The following FMN1 variants were observed in gnomAD, a reference collection of about 807,000 sequenced individuals.
The protein encoded by FMN1 is formin 1.
FMN1 carries 110 observed loss-of-function variants against 132.4 expected under a neutral mutation model. That is an observed-to-expected ratio of 0.83 (90% confidence interval 0.71 to 0.97). The LOEUF (loss-of-function observed/expected upper bound fraction) is 0.97, where lower values mean the gene tolerates loss of function less well. FMN1 is among the 50% of genes least tolerant of loss of function. The pLI is 0.00. For synonymous variants in FMN1, 722 were observed against 651.7 expected (o/e 1.11, Z -1.64); for missense variants, 1,792 against 1,705.3 (o/e 1.05, Z -0.90).
In FMN1 at chr15:33,151,364, A is replaced by C. The variant is rs1048444330; in HGVS notation, c.1867+1684T>G. Reference sequence around the variant, plus strand: ...GACTGGTTCCTGAAAGTGCTGCTGAAGATCCCAATGGAAGGCTGAGGCCAA... The same window carrying C: ...GACTGGTTCCTGAAAGTGCTGCTGACGATCCCAATGGAAGGCTGAGGCCAA... On this transcript the variant is annotated intron_variant, in intron 4 of 20. Transcript: ENST00000616417. The C allele has an allele frequency of 2.5e-5, 38 of 1,536,606 alleles. No homozygotes were observed. In the Admixed American group the frequency reaches 6.3e-4, roughly 25 times the overall value.
intron 17 of FMN1, among the ~76,000 whole-genome samples, chr15:32,851,085 A>C (rs1217581832): frequency 6.9e-6 from 1 of 144,486 alleles, no homozygotes; most frequent in African/African-American, 2.9e-5. Context: ...AAAACAAAAC[A>C]AAAAAAACAG....
At chr15:33,030,369 C>A (rs2035879747) in intron 6 of FMN1, among the ~76,000 whole-genome samples, 1 of 152,180 alleles carries the variant, frequency 6.6e-6, no homozygotes, top group Non-Finnish European at 1.5e-5. Flanking sequence ...CGGAAAAGTT[C>A]ATCTTGAAAG....
chr15:32,934,071 T>C (rs1013583842), intron 9 of FMN1, among the ~76,000 whole-genome samples: 2 of 152,182 alleles, frequency 1.3e-5, no homozygotes, highest in African/African-American at 4.8e-5. Flanking sequence ...TGATGACTTT[T>C]GTGTTTTGTT....
At chr15:33,126,156 G>C (rs919693855) in intron 4 of FMN1, among the ~76,000 whole-genome samples, 11 of 152,060 alleles carry the variant, frequency 7.2e-5, no homozygotes, top group Non-Finnish European at 7.4e-5. Flanking sequence ...GTTTATCCCC[G>C]GTCATGAGGA....
chr15:32,967,310 C>T (rs2031335083), intron 8 of FMN1, among the ~76,000 whole-genome samples: 1 of 152,206 alleles, frequency 6.6e-6, no homozygotes, highest in Non-Finnish European at 1.5e-5. Flanking sequence ...CTCATGAAGT[C>T]TCTCAGGGAA....
intron 9 of FMN1, among the ~76,000 whole-genome samples, chr15:32,957,534 G>A (rs2029951594): frequency 6.6e-6 from 1 of 152,016 alleles, no homozygotes; most frequent in African/African-American, 2.4e-5. Context: ...ACTAACGGAA[G>A]TTGTGGGATA....
At chr15:32,977,524 A>G (rs1244382168) in intron 7 of FMN1, among the ~76,000 whole-genome samples, 3 of 152,220 alleles carry the variant, frequency 2.0e-5, no homozygotes, top group African/African-American at 7.2e-5. Context: ...TATCTCAATC[A>G]TTAGTTACTT....
chr15:33,180,021 C>T (rs1965641682), intron 3 of FMN1, among the ~76,000 whole-genome samples, 177 bp downstream of exon 3: 1 of 152,132 alleles, frequency 6.6e-6, no homozygotes, highest in Non-Finnish European at 1.5e-5. Flanking sequence ...TACTAATCTG[C>T]TCTGTAGTAC....
At chr15:33,180,971 G>T (rs977070614) in intron 2 of FMN1, among the ~76,000 whole-genome samples, 1 of 152,032 alleles carries the variant, frequency 6.6e-6, no homozygotes, top group Non-Finnish European at 1.5e-5. Flanking sequence ...GGCTTGTCTT[G>T]AACTCCTGAC....
At chr15:32,776,768 T>C in intron 20 of FMN1, 67 bp downstream of exon 20, 2 of 891,604 alleles carry the variant, frequency 2.2e-6, no homozygotes, top group Non-Finnish European at 3.6e-6. Flanking sequence ...CTCTGAGCTT[T>C]AGCCCTTCCT....
chr15:33,162,656 A>G (rs962284085), intron 3 of FMN1, among the ~76,000 whole-genome samples: 1 of 152,242 alleles, frequency 6.6e-6, no homozygotes, highest in Admixed American at 6.5e-5. Flanking sequence ...TCATGAAGCC[A>G]TGGATGATTT....
intron 17 of FMN1, among the ~76,000 whole-genome samples, chr15:32,809,110 G>A (rs981151538): frequency 2.6e-5 from 4 of 152,022 alleles, no homozygotes; most frequent in Non-Finnish European, 4.4e-5. Flanking sequence ...TGGATGTGAG[G>A]GGAGAGGTAC....
rs192982678 is a variant in FMN1 at position 32,811,099 on chromosome 15, G to A, written c.3929-6767C>T. The A allele has an allele frequency of 4.1e-3, 1,857 of 456,762 alleles. 38 individuals are homozygous for A. The highest frequency in any genetic ancestry group is 0.027 in the South Asian group (1,755 of 64,552). The allele number at this position is 456,762 out of a possible 1,614,324, so 28.3% of individuals were successfully genotyped here. ...AACAGAGGCACAGCACGCTGACATC[G>A]GAAAGGGATGGCCTTTTAACATTTG... On this transcript the variant is annotated intron_variant, in intron 17 of 20. Transcript: ENST00000616417.
intron 2 of FMN1, among the ~76,000 whole-genome samples, chr15:33,182,672 C>T (rs758132472): frequency 3.9e-5 from 6 of 152,170 alleles, no homozygotes; most frequent in Non-Finnish European, 7.3e-5. Context: ...CGGGATCTCT[C>T]CTTCCAGGTT....
chr15:32,799,601 C>G (rs891145009), intron 18 of FMN1, among the ~76,000 whole-genome samples: 1 of 152,162 alleles, frequency 6.6e-6, no homozygotes, highest in African/African-American at 2.4e-5. Flanking sequence ...GTAGGCATAG[C>G]AAGTTTTGGA....
chr15:33,135,272 C>T (rs909447500), intron 4 of FMN1, among the ~76,000 whole-genome samples: 4 of 152,194 alleles, frequency 2.6e-5, no homozygotes, highest in Middle Eastern at 3.4e-3. Context: ...TTCAAAAGGC[C>T]AGTGTAACCT....
chr15:32,829,596 T>C (rs905418107), intron 17 of FMN1, among the ~76,000 whole-genome samples: 3 of 152,198 alleles, frequency 2.0e-5, no homozygotes, highest in South Asian at 2.1e-4. Context: ...TGTGCCTATA[T>C]TGCATGAGCT....
intron 4 of FMN1, among the ~76,000 whole-genome samples, chr15:33,128,731 A>T (rs1034958410): frequency 6.6e-6 from 1 of 152,226 alleles, no homozygotes; most frequent in African/African-American, 2.4e-5. Flanking sequence ...GACAGCTCTT[A>T]AAGGTGATGT....
At chr15:33,160,787 C>G (rs1964857909) in intron 3 of FMN1, among the ~76,000 whole-genome samples, 1 of 152,188 alleles carries the variant, frequency 6.6e-6, no homozygotes, top group Non-Finnish European at 1.5e-5. Context: ...CCCAGGGAGT[C>G]TTCGTGTCTT....
Sources: gnomAD v4.1 joint callset for allele counts (sites outside exome capture counted in the v4.1 genomes callset) on GRCh38, gnomAD v4.1.1 for gene constraint, MANE v1.5 for transcripts, NCBI Gene and HGNC (gene_info 2026-07-23, HGNC 2026-07-21) for gene names.